Variants in HPSE2 observed in about 807,000 individuals in gnomAD.
HPSE2 encodes heparanase 2 (inactive), also known as inactive heparanase-2.
Under a neutral mutation model 60.5 loss-of-function variants are expected in HPSE2, and 38 were observed. The ratio of observed to expected loss-of-function variants is 0.63; its 90% CI spans 0.48 to 0.82. The LOEUF (loss-of-function observed/expected upper bound fraction) is 0.82, where lower values mean the gene tolerates loss of function less well. Among genes scored for constraint, HPSE2 ranks in the 40% least tolerant of loss-of-function variants. HPSE2 has a pLI of 0.00. For synonymous variants in HPSE2, 295 were observed against 293.2 expected, an observed-to-expected ratio of 1.01 and a Z score of -0.06; for missense variants, 713 against 740.4, an observed-to-expected ratio of 0.96 and a Z score of 0.43.
intron 3 of HPSE2, among the ~76,000 whole-genome samples, chr10:98,910,593 G>C (rs1953952262): frequency 6.6e-6 from 1 of 152,168 alleles, no homozygotes; most frequent in Non-Finnish European, 1.5e-5. Context: ...GAAGGCTTTA[G>C]AGGCAGAACA....
chr10:99,205,507 G>T (rs1023643234), intron 2 of HPSE2, among the ~76,000 whole-genome samples: 2 of 152,052 alleles, frequency 1.3e-5, no homozygotes, highest in Non-Finnish European at 2.9e-5. Flanking sequence ...GCTTGAACCC[G>T]GGCGGCAGAG....
At chr10:98,588,933 A>C (rs537424890) in intron 9 of HPSE2, among the ~76,000 whole-genome samples, 1 of 152,184 alleles carries the variant, frequency 6.6e-6, no homozygotes, top group Non-Finnish European at 1.5e-5. Flanking sequence ...GAAAGAAAAA[A>C]CTGAGCTACC....
chr10:98,982,678 A>G (rs564574374), intron 3 of HPSE2, among the ~76,000 whole-genome samples: 44 of 152,198 alleles, frequency 2.9e-4, no homozygotes, highest in Non-Finnish European at 5.1e-4. Flanking sequence ...AGATAAGATT[A>G]TAATCCTAAT....
intron 3 of HPSE2, among the ~76,000 whole-genome samples, chr10:99,020,225 G>C (rs968015875): frequency 2.5e-4 from 38 of 152,040 alleles, no homozygotes; most frequent in African/African-American, 9.2e-4. Flanking sequence ...CGTAGTCTCT[G>C]ATCTGGAGAT....
intron 4 of HPSE2, among the ~76,000 whole-genome samples, chr10:98,731,533 A>G (rs563107031): frequency 6.6e-6 from 1 of 152,358 alleles, no homozygotes; most frequent in East Asian, 1.9e-4. Flanking sequence ...TCATCTCAAT[A>G]GCTGCAACAA....
In HPSE2 at chr10:98,577,863, C is replaced by A. The variant is rs78393812; in HGVS notation, c.1320+37041G>T. Among the ~76,000 whole-genome samples the A allele has an allele frequency of 4.7e-3, 712 of 152,228 alleles. 8 individuals are homozygous for A. The highest frequency in any genetic ancestry group is 0.016 in the African/African-American group (683 of 41,546). On this transcript the variant is annotated intron_variant, in intron 9 of 11. Transcript: ENST00000370552. ...TTGGACTTGGCTCTGATTTCTTTTT[C>A]ATTTCATTTATTTGAGCTCTCCAAA...
chr10:98,552,148 AG>A (rs34962455), intron 9 of HPSE2, among the ~76,000 whole-genome samples: 41,942 of 152,032 alleles, frequency 0.28, 6,202 homozygotes, highest in East Asian at 0.48. Context: ...GCATGTTTAT[AG>A]GGGAACAATG....
At chr10:98,511,598 T>TTG (rs146553697) in intron 9 of HPSE2, among the ~76,000 whole-genome samples, 1 of 78,958 alleles carries the variant, frequency 1.3e-5, no homozygotes, top group African/African-American at 4.6e-5. Flanking sequence ...GTGTGTGTGT[T>TTG]TGTGTGTGTG....
At chr10:98,576,370 G>C (rs1312668990) in intron 9 of HPSE2, among the ~76,000 whole-genome samples, 1 of 151,928 alleles carries the variant, frequency 6.6e-6, no homozygotes, top group Non-Finnish European at 1.5e-5. Context: ...AATAAAAAGC[G>C]ACTCAATACA....
intron 2 of HPSE2, among the ~76,000 whole-genome samples, chr10:99,213,493 A>G (rs1219859645): frequency 6.6e-6 from 1 of 152,098 alleles, no homozygotes. Flanking sequence ...AAAACAAAAA[A>G]CACCATTTTC....
At chr10:98,640,324 C>T (rs1313457622) in intron 7 of HPSE2, among the ~76,000 whole-genome samples, 1 of 152,164 alleles carries the variant, frequency 6.6e-6, no homozygotes, top group Non-Finnish European at 1.5e-5. Context: ...ATTTAGTTCT[C>T]CTAGGCTTTG....
At chr10:99,076,216 G>A in intron 3 of HPSE2, among the ~76,000 whole-genome samples, 1 of 150,726 alleles carries the variant, frequency 6.6e-6, no homozygotes, top group East Asian at 1.9e-4. Flanking sequence ...TCTTCTATAG[G>A]TGTTTTCTTT....
intron 3 of HPSE2, among the ~76,000 whole-genome samples, chr10:99,133,651 G>A (rs1463911141): frequency 6.6e-6 from 1 of 152,142 alleles, no homozygotes; most frequent in Non-Finnish European, 1.5e-5. Context: ...AGAGGGGCCT[G>A]ACTGTCAGAA....
intron 2 of HPSE2, among the ~76,000 whole-genome samples, chr10:99,164,362 T>C (rs1441195904): frequency 6.7e-6 from 1 of 149,192 alleles, no homozygotes; most frequent in East Asian, 2.0e-4. Context: ...TAATGAGAGC[T>C]TTTTCAGCTG....
At chr10:98,564,847 C>T (rs1483902137) in intron 9 of HPSE2, among the ~76,000 whole-genome samples, 1 of 152,088 alleles carries the variant, frequency 6.6e-6, no homozygotes, top group Non-Finnish European at 1.5e-5. Flanking sequence ...TGTTTCCAAC[C>T]ATCATTGAAA....
intron 9 of HPSE2, among the ~76,000 whole-genome samples, chr10:98,587,555 GTTCCT>G (rs1343692614): frequency 6.6e-6 from 1 of 152,152 alleles, no homozygotes; most frequent in Non-Finnish European, 1.5e-5. Context: ...TCCCACAGCT[GTTCCT>G]TTCTACTCCT....
chr10:99,101,829 C>G (rs925025593), intron 3 of HPSE2, among the ~76,000 whole-genome samples: 4 of 152,200 alleles, frequency 2.6e-5, no homozygotes, highest in Admixed American at 6.5e-5. Flanking sequence ...GATTAAGAAA[C>G]TCACTTAAAA....
chr10:98,705,410 G>C (rs192736529), intron 5 of HPSE2, among the ~76,000 whole-genome samples: 1 of 152,100 alleles, frequency 6.6e-6, no homozygotes, highest in Admixed American at 6.6e-5. Flanking sequence ...TACTGGGTAC[G>C]CACCCAAAGG....
intron 3 of HPSE2, among the ~76,000 whole-genome samples, chr10:99,077,136 GT>G (rs1460763392): frequency 3.3e-5 from 5 of 152,144 alleles, no homozygotes; most frequent in African/African-American, 1.2e-4. Context: ...CTTTCAAAAG[GT>G]TCTCTTTCTC....
Sources: gnomAD v4.1 joint callset for allele counts (sites outside exome capture counted in the v4.1 genomes callset) on GRCh38, gnomAD v4.1.1 for gene constraint, MANE v1.5 for transcripts, NCBI Gene and HGNC (gene_info 2026-07-23, HGNC 2026-07-21) for gene names.